The following THSD7A variants were observed in gnomAD, a reference collection of about 807,000 sequenced individuals.
THSD7A encodes thrombospondin type 1 domain containing 7A.
Under a neutral mutation model 231.3 loss-of-function variants are expected in THSD7A, and 96 were observed. That is an observed-to-expected ratio of 0.41 (90% confidence interval 0.35 to 0.49). The LOEUF (loss-of-function observed/expected upper bound fraction) is 0.49, where lower values mean the gene tolerates loss of function less well. Among genes scored for constraint, THSD7A ranks in the 20% least tolerant of loss-of-function variants. The pLI, the probability that THSD7A is intolerant of heterozygous loss-of-function variation, is 0.05. For synonymous variants in THSD7A, 940 were observed against 743.3 expected, an observed-to-expected ratio of 1.26 and a Z score of -4.30; for missense variants, 2,290 against 2,070.2, an observed-to-expected ratio of 1.11 and a Z score of -2.06.
intron 4 of THSD7A, among the ~76,000 whole-genome samples, chr7:11,586,556 C>G (rs1779915127): frequency 6.6e-6 from 1 of 152,192 alleles, no homozygotes; most frequent in Admixed American, 6.5e-5. Context: ...CTTCAACACA[C>G]TCTGATATTT....
In THSD7A at chr7:11,381,120, A is replaced by G. The variant is rs529600998; in HGVS notation, c.4507+1401T>C. On this transcript the variant is annotated intron_variant, in intron 24 of 27. Coordinates refer to ENST00000423059, the MANE Select transcript of THSD7A (RefSeq NM_015204.3). The stretch of plus-strand genomic sequence containing the variant: ...CATTCGTTTCCAATCTCTGAGCTCA[A>G]TGGATGACTTCTGTAACACCTCCTC... Among the ~76,000 whole-genome samples, 246 of 152,306 alleles carry G rather than the reference A, an allele frequency of 1.6e-3. 2 individuals are homozygous for G. The highest frequency in any genetic ancestry group is 2.9e-3 in the Non-Finnish European group (200 of 68,032).
intron 13 of THSD7A, 130 bp downstream of exon 13, chr7:11,445,931 G>T: frequency 1.8e-6 from 2 of 1,115,752 alleles, no homozygotes; most frequent in Non-Finnish European, 2.6e-6. Flanking sequence ...TATATGTATA[G>T]TGTGGTGCTT....
In THSD7A at chr7:11,782,358, A is replaced by C. The variant is rs181780189; in HGVS notation, c.190+49399T>G. Among the ~76,000 whole-genome samples, 31 of 152,284 alleles carry C rather than the reference A, an allele frequency of 2.0e-4. 1 individual carries two copies. The East Asian group carries it at 5.2e-3, about 26-fold the overall frequency. On this transcript the variant is annotated intron_variant, in intron 1 of 27. Transcript: ENST00000423059. ...AAATAATATTTTTCGAGATGGGCCTATGATGTCGTTATTGCAAAAGATAAA... is the reference window on the plus strand; with the variant it reads ...AAATAATATTTTTCGAGATGGGCCTCTGATGTCGTTATTGCAAAAGATAAA...
At chr7:11,405,167 T>TTA (rs202235060) in intron 22 of THSD7A, among the ~76,000 whole-genome samples, 28 of 151,452 alleles carry the variant, frequency 1.8e-4, no homozygotes, top group South Asian at 2.1e-4. Context: ...TTTTTTTTTT[T>TTA]ACGAAGGAAT....
At chr7:11,389,139 TTCAAG>T (rs752278402) in intron 23 of THSD7A, among the ~76,000 whole-genome samples, 83 of 152,244 alleles carry the variant, frequency 5.5e-4, no homozygotes, top group African/African-American at 1.9e-3. Context: ...CAGAGCTGAG[TTCAAG>T]TCAAGTCCTG....
intron 4 of THSD7A, among the ~76,000 whole-genome samples, chr7:11,546,843 C>A (rs1250508875): frequency 2.0e-5 from 3 of 152,006 alleles, no homozygotes; most frequent in Non-Finnish European, 4.4e-5. Flanking sequence ...GATGAAATAG[C>A]TTTTTTAAGA....
At chr7:11,665,384 G>A (rs962154812) in intron 1 of THSD7A, among the ~76,000 whole-genome samples, 1 of 152,050 alleles carries the variant, frequency 6.6e-6, no homozygotes, top group Non-Finnish European at 1.5e-5. Flanking sequence ...GAACTAATAA[G>A]TGGTAAGGTT....
intron 6 of THSD7A, among the ~76,000 whole-genome samples, chr7:11,500,214 A>G (rs1336862378): frequency 6.6e-6 from 1 of 152,208 alleles, no homozygotes; most frequent in Non-Finnish European, 1.5e-5. Context: ...ACACTTTCAA[A>G]TCTAGCCAAA....
At chr7:11,526,561 T>C (rs755828246) in intron 6 of THSD7A, among the ~76,000 whole-genome samples, 18 of 152,202 alleles carry the variant, frequency 1.2e-4, no homozygotes, top group Admixed American at 2.0e-4. Context: ...GCCTGCAACA[T>C]AGCAGGCATA....
rs1785006220 is a variant in THSD7A, at chr7:11,447,392, C to T, written c.2638G>A (p.Ala880Thr). Residue 880 changes from alanine (A) to threonine (T), a missense_variant, in exon 12 of 28, where the codon GCT (alanine) becomes ACT (threonine). Physicochemically the swap from Ala to Thr is moderately conservative, Grantham distance 58. Transcript: ENST00000423059. ...TACTGTAGGCACTCATGGATTCCAG[C>T]CTGTCCTCCATCTTGCTTGCGACAA... ...ITCRKQDGGQ[A>T]GIHECLQYAG... The T allele has an allele frequency of 6.9e-6, 11 of 1,591,782 alleles. No homozygotes were observed. The highest frequency in any genetic ancestry group is 9.4e-6 in the Non-Finnish European group (11 of 1,170,694).
At chr7:11,755,607 A>G (rs1280020105) in intron 1 of THSD7A, among the ~76,000 whole-genome samples, 1 of 152,032 alleles carries the variant, frequency 6.6e-6, no homozygotes, top group East Asian at 1.9e-4. Flanking sequence ...AGGTCGAGGA[A>G]GTCTCTGTCA....
intron 1 of THSD7A, among the ~76,000 whole-genome samples, chr7:11,646,878 G>A (rs953003749): frequency 2.6e-5 from 4 of 152,018 alleles, no homozygotes; most frequent in African/African-American, 7.2e-5. Context: ...CCATGGAGCA[G>A]GGCTAAGGCA....
intron 2 of THSD7A, among the ~76,000 whole-genome samples, chr7:11,611,848 A>G (rs868195095): frequency 2.9e-5 from 4 of 137,648 alleles, no homozygotes; most frequent in South Asian, 4.7e-4. Context: ...CTGTCTATCT[A>G]TCTATCTATC....
chr7:11,691,148 T>A (rs913789359), intron 1 of THSD7A, among the ~76,000 whole-genome samples: 2 of 151,626 alleles, frequency 1.3e-5, no homozygotes, highest in Non-Finnish European at 1.5e-5. Context: ...CATGCATTTT[T>A]AAAATTTATT....
At chr7:11,620,774 A>T (rs1223411201) in intron 2 of THSD7A, among the ~76,000 whole-genome samples, 1 of 152,216 alleles carries the variant, frequency 6.6e-6, no homozygotes, top group African/African-American at 2.4e-5. Flanking sequence ...GAAGCACTTC[A>T]TTTGCCCCCA....
At chr7:11,654,383 A>C (rs1186742125) in intron 1 of THSD7A, among the ~76,000 whole-genome samples, 1 of 151,994 alleles carries the variant, frequency 6.6e-6, no homozygotes, top group African/African-American at 2.4e-5. Context: ...CTTCAAAGGA[A>C]TGTCACCCAA....
chr7:11,748,345 A>T (rs1782380666), intron 1 of THSD7A, among the ~76,000 whole-genome samples: 1 of 152,028 alleles, frequency 6.6e-6, no homozygotes, highest in South Asian at 2.1e-4. Context: ...AAGGTGACTC[A>T]AACTTACTCA....
At chr7:11,788,692 A>G (rs1344520149) in intron 1 of THSD7A, among the ~76,000 whole-genome samples, 1 of 152,042 alleles carries the variant, frequency 6.6e-6, no homozygotes, top group Admixed American at 6.6e-5. Flanking sequence ...CAGGCTCTGG[A>G]TCAGACTGCT....
At position 11,406,259 on chromosome 7, in the gene THSD7A, A is replaced by G. The variant is rs762784738; in HGVS notation, c.4237+41T>C. The G allele has an allele frequency of 6.4e-7, 1 of 1,558,486 alleles. No individual in the cohort carries two copies. The highest frequency in any genetic ancestry group is 8.7e-7 in the Non-Finnish European group (1 of 1,154,450). ...ACCCCTTCACGGCCCTTGTCCTAGG[A>G]AAAAATAATCAGAATATGAATTCTC... On this transcript the variant is annotated intron_variant, in intron 22 of 27. Transcript: ENST00000423059. This position sits in a 1 kb window ranked among gnomAD's most constrained non-coding sequence, Gnocchi z 4.7.
Sources: gnomAD v4.1 joint callset for allele counts (sites outside exome capture counted in the v4.1 genomes callset) on GRCh38, gnomAD v4.1.1 for gene constraint, Gnocchi (gnomAD v3.1) non-coding constraint, MANE v1.5 for transcripts, NCBI Gene and HGNC (gene_info 2026-07-23, HGNC 2026-07-21) for gene names.